Variants in AOAH observed in about 807,000 individuals in gnomAD.
AOAH encodes acyloxyacyl hydrolase, also known as acyloxyacyl hydrolase (neutrophil).
A neutral mutation model predicts 92.2 loss-of-function variants in AOAH; 64 were observed. The observed-to-expected ratio is 0.69, with a 90% CI of 0.57 to 0.86. The LOEUF is 0.86. Ranked by LOEUF, AOAH falls within the 40% of genes least tolerant of loss-of-function variation. AOAH has a pLI of 0.00. For synonymous variants in AOAH, 263 were observed against 254.5 expected, an observed-to-expected ratio of 1.03 and a Z score of -0.32; for missense variants, 656 against 694.6, an observed-to-expected ratio of 0.94 and a Z score of 0.62.
intron 1 of AOAH, among the ~76,000 whole-genome samples, chr7:36,707,277 T>G (rs755223924): frequency 3.3e-5 from 5 of 151,944 alleles, no homozygotes; most frequent in Non-Finnish European, 7.4e-5. Flanking sequence ...GATGGGGAAA[T>G]AGCTAGTTGG....
chr7:36,542,815 C>T lies in AOAH; in HGVS notation c.1134-2324G>A, dbSNP rs184214349. Among the ~76,000 whole-genome samples, 217 of 152,206 alleles carry T rather than the reference C, an allele frequency of 1.4e-3. 3 individuals are homozygous for T. The East Asian group carries it at 0.035, about 24-fold the overall frequency. On this transcript the variant is annotated intron_variant, in intron 15 of 20. Coordinates refer to ENST00000617537, the MANE Select transcript of AOAH (RefSeq NM_001637.4). ...CATTAGGAATATAATAACTAGATATCGTTGGTTGCACAACATTGTGAACTG... is the reference window on the plus strand; with the variant it reads ...CATTAGGAATATAATAACTAGATATTGTTGGTTGCACAACATTGTGAACTG...
At chr7:36,670,310 G>C (rs1390176546) in intron 3 of AOAH, among the ~76,000 whole-genome samples, 1 of 152,098 alleles carries the variant, frequency 6.6e-6, no homozygotes, top group East Asian at 1.9e-4. Flanking sequence ...GCTGTATGAA[G>C]AACATGCCCA....
intron 3 of AOAH, among the ~76,000 whole-genome samples, chr7:36,667,234 T>C (rs7780394): frequency 0.34 from 52,034 of 152,018 alleles, 9,465 homozygotes; most frequent in South Asian, 0.51. Flanking sequence ...GCATGCTGTT[T>C]TCAGTAGTGT....
intron 15 of AOAH, 45 bp downstream of exon 15, chr7:36,548,567 C>T (rs1320035532): frequency 4.6e-6 from 7 of 1,534,628 alleles, no homozygotes; most frequent in Non-Finnish European, 6.3e-6. Context: ...TGGGGAAGAG[C>T]CCAGAGCCAA....
At chr7:36,695,758 A>G (rs1797670688) in intron 1 of AOAH, among the ~76,000 whole-genome samples, 1 of 152,186 alleles carries the variant, frequency 6.6e-6, no homozygotes. Context: ...ATCTGTGGCT[A>G]ATCTTTTGGT....
intron 11 of AOAH, among the ~76,000 whole-genome samples, chr7:36,602,433 T>A (rs2115700254): frequency 6.6e-6 from 1 of 151,244 alleles, no homozygotes; most frequent in East Asian, 1.9e-4. Flanking sequence ...TGAATTCCCT[T>A]CCTTCCATTG....
At chr7:36,670,799 C>T (rs551714549) in intron 3 of AOAH, among the ~76,000 whole-genome samples, 1 of 152,304 alleles carries the variant, frequency 6.6e-6, no homozygotes, top group South Asian at 2.1e-4. Flanking sequence ...TTTCTCCATA[C>T]CTATGCCCGC....
chr7:36,589,166 G>A (rs1297474995), intron 12 of AOAH, among the ~76,000 whole-genome samples: 3 of 152,180 alleles, frequency 2.0e-5, no homozygotes, highest in South Asian at 2.1e-4. Flanking sequence ...AAGGGGATAC[G>A]AACGGCCAGA....
At chr7:36,694,698 TTTA>T (rs1257099126) in intron 1 of AOAH, among the ~76,000 whole-genome samples, 2 of 152,222 alleles carry the variant, frequency 1.3e-5, no homozygotes, top group African/African-American at 4.8e-5. Context: ...AAATCCATAT[TTTA>T]TTATTAAAGA....
chr7:36,528,736 C>T (rs1423597523), intron 19 of AOAH, among the ~76,000 whole-genome samples: 1 of 152,198 alleles, frequency 6.6e-6, no homozygotes, highest in Non-Finnish European at 1.5e-5. Flanking sequence ...GCTGGGACTA[C>T]AAGCATGCAC....
intron 12 of AOAH, 90 bp downstream of exon 12, chr7:36,594,249 G>A (rs555724313): frequency 5.3e-5 from 53 of 996,324 alleles, no homozygotes; most frequent in Non-Finnish European, 7.6e-5. Flanking sequence ...CTAATAATTC[G>A]CATTTCAACA....
intron 1 of AOAH, among the ~76,000 whole-genome samples, chr7:36,712,800 C>A (rs1042560589): frequency 1.3e-5 from 2 of 152,116 alleles, no homozygotes; most frequent in African/African-American, 2.4e-5. Context: ...TCGTCACCAC[C>A]AGGCCTGCCC....
intron 6 of AOAH, among the ~76,000 whole-genome samples, chr7:36,626,322 G>A (rs1197338184): frequency 2.0e-5 from 3 of 152,238 alleles, no homozygotes; most frequent in Non-Finnish European, 4.4e-5. Flanking sequence ...TATCTTGGGG[G>A]TGAGAGTTTG....
chr7:36,541,566 T>C (rs774204708), intron 15 of AOAH, among the ~76,000 whole-genome samples: 2 of 152,202 alleles, frequency 1.3e-5, no homozygotes, highest in Non-Finnish European at 2.9e-5. Flanking sequence ...ATTGCACTCA[T>C]TGGTTGATTT....
At chr7:36,639,791 C>CG (rs1562648533) in intron 4 of AOAH, among the ~76,000 whole-genome samples, 1 of 152,188 alleles carries the variant, frequency 6.6e-6, no homozygotes, top group East Asian at 1.9e-4. Context: ...GTGAACCCCA[C>CG]GGTGAATGAC....
At chr7:36,517,216 CTTTCTT>C (rs1562853974) in intron 20 of AOAH, among the ~76,000 whole-genome samples, 16 of 36,766 alleles carry the variant, frequency 4.4e-4, no homozygotes, top group African/African-American at 1.1e-3. Flanking sequence ...CTTTCTTTCT[CTTTCTT>C]TCTGTCTCTC....
At chr7:36,605,047 A>G (rs567865040) in intron 11 of AOAH, among the ~76,000 whole-genome samples, 3 of 152,278 alleles carry the variant, frequency 2.0e-5, no homozygotes, top group South Asian at 2.1e-4. Context: ...GAATTAGGTC[A>G]TCACTAATGA....
chr7:36,664,336 T>C (rs569391325), intron 3 of AOAH, among the ~76,000 whole-genome samples: 1 of 152,208 alleles, frequency 6.6e-6, no homozygotes, highest in Non-Finnish European at 1.5e-5. Flanking sequence ...TGCATGTAGA[T>C]GTCCATTTGT....
At chr7:36,591,249 G>A (rs1158923098) in intron 12 of AOAH, among the ~76,000 whole-genome samples, 1 of 152,190 alleles carries the variant, frequency 6.6e-6, no homozygotes, top group African/African-American at 2.4e-5. Flanking sequence ...AGAAAGAAAA[G>A]TTCCTGCAGG....
Sources: gnomAD v4.1 joint callset for allele counts (sites outside exome capture counted in the v4.1 genomes callset) on GRCh38, gnomAD v4.1.1 for gene constraint, MANE v1.5 for transcripts, NCBI Gene and HGNC (gene_info 2026-07-23, HGNC 2026-07-21) for gene names.